Variants in AGPAT5 observed in about 807,000 individuals in gnomAD.
The protein encoded by AGPAT5 is 1-acyl-sn-glycerol-3-phosphate acyltransferase epsilon.
Under a neutral mutation model 45.6 loss-of-function variants are expected in AGPAT5, and 46 were observed. The ratio of observed to expected loss-of-function variants is 1.01; its 90% confidence interval spans 0.80 to 1.29. The LOEUF (loss-of-function observed/expected upper bound fraction) is 1.29, where lower values mean the gene tolerates loss of function less well. Ranked by LOEUF, AGPAT5 falls within the 50% of genes most tolerant of loss-of-function variation. AGPAT5 has a pLI of 0.00. For missense variants in AGPAT5, 673 were observed against 450.7 expected, an observed-to-expected ratio of 1.49 and a Z score of -4.47; for synonymous variants, 272 against 167.0, an observed-to-expected ratio of 1.63 and a Z score of -4.85.
At chr8:6,719,394 G>A (rs903384602) in intron 1 of AGPAT5, among the ~76,000 whole-genome samples, 1 of 152,146 alleles carries the variant, frequency 6.6e-6, no homozygotes, top group Non-Finnish European at 1.5e-5. Flanking sequence ...GAAGTAGTAG[G>A]CAGGAATTCA....
Position 6,757,244 on chromosome 8 carries a change from T to G in AGPAT5, c.951T>G (p.Ser317Arg). 1 of 1,614,182 alleles carries G rather than the reference T, an allele frequency of 6.2e-7. No individual in the cohort carries two copies. Among genetic ancestry groups the G allele is most frequent in the Non-Finnish European group, 8.5e-7 (1 of 1,180,018 alleles). Reference sequence around the variant, plus strand: ...GGAAAAGTGTTAATTCCAAATTAAGTATCAAGAAGACTTTACCATCAATGT... The same window carrying G: ...GGAAAAGTGTTAATTCCAAATTAAGGATCAAGAAGACTTTACCATCAATGT... ...FPGKSVNSKLSIKKTLPSMLI... is the reference protein window; with the variant it reads ...FPGKSVNSKLRIKKTLPSMLI... Residue 317 changes from serine (S) to arginine (R), a missense_variant, in exon 8 of 8, where the codon AGT becomes AGG. Transcript: ENST00000285518.
chr8:6,732,466 T>G (rs1407208946), intron 3 of AGPAT5, 95 bp from the exon 4 acceptor site: 2 of 814,214 alleles, frequency 2.5e-6, no homozygotes, highest in Non-Finnish European at 3.7e-6. Flanking sequence ...TAGTTTTCAT[T>G]CTGTACTTTT....
intron 4 of AGPAT5, 143 bp from the exon 5 acceptor site, chr8:6,741,518 C>T (rs1031428790): frequency 2.1e-5 from 11 of 520,208 alleles, no homozygotes; most frequent in South Asian, 1.8e-4. Context: ...CCTCTTGAAA[C>T]GAAGGTCACA....
At chr8:6,709,224 C>G (rs960789869) in intron 1 of AGPAT5, 2 of 375,362 alleles carry the variant, frequency 5.3e-6, no homozygotes, top group Non-Finnish European at 1.0e-5. Flanking sequence ...GGCCTTTGGT[C>G]CAAAGAGGTG....
chr8:6,736,407 G>C (rs1045897809), intron 4 of AGPAT5, among the ~76,000 whole-genome samples: 5 of 152,136 alleles, frequency 3.3e-5, no homozygotes, highest in Admixed American at 3.3e-4. Flanking sequence ...TGTCAAATCT[G>C]TTATTTTGGT....
intron 2 of AGPAT5, among the ~76,000 whole-genome samples, chr8:6,725,559 C>T (rs1800657101): frequency 6.6e-6 from 1 of 152,130 alleles, no homozygotes; most frequent in African/African-American, 2.4e-5. Flanking sequence ...ACATTGTCAG[C>T]AATATTTTTC....
chr8:6,749,470 A>G (rs1015214887), intron 6 of AGPAT5, among the ~76,000 whole-genome samples: 5 of 152,248 alleles, frequency 3.3e-5, no homozygotes, highest in African/African-American at 1.2e-4. Flanking sequence ...TTTAAAAATT[A>G]AAACTGTACG....
intron 6 of AGPAT5, among the ~76,000 whole-genome samples, chr8:6,750,332 C>T (rs1196437850): frequency 1.3e-5 from 2 of 152,228 alleles, no homozygotes; most frequent in Non-Finnish European, 2.9e-5. Context: ...CCTGCTTATC[C>T]TCTGCTACAT....
intron 1 of AGPAT5, among the ~76,000 whole-genome samples, chr8:6,716,841 AC>A (rs1800348031): frequency 1.3e-5 from 2 of 152,212 alleles, no homozygotes; most frequent in Admixed American, 6.5e-5. Context: ...CTCAAAACAA[AC>A]AAACAAACAA....
In AGPAT5 at chr8:6,708,762, T is replaced by TG; in HGVS notation, c.100dup (p.Val34GlyfsTer51). 5 of 1,608,600 alleles carry TG rather than the reference T, an allele frequency of 3.1e-6. No homozygotes were observed. Among genetic ancestry groups the TG allele is most frequent in the South Asian group, 1.1e-5 (1 of 90,870 alleles). On this transcript the variant is annotated frameshift_variant, in exon 1 of 8. Coordinates refer to ENST00000285518, the MANE Select transcript of AGPAT5 (RefSeq NM_018361.5). LOFTEE classifies it high-confidence loss of function. ...CACGGCGCCCACCTACGTGTTGGCCTGGGGGGTCTGGCGGCTGCTCTCCGC... is the reference window on the plus strand; with the variant it reads ...CACGGCGCCCACCTACGTGTTGGCCTGGGGGGGTCTGGCGGCTGCTCTCCGC...
chr8:6,729,898 T>C (rs1044931021), intron 2 of AGPAT5, among the ~76,000 whole-genome samples: 2 of 152,240 alleles, frequency 1.3e-5, no homozygotes, highest in Non-Finnish European at 2.9e-5. Context: ...GGAGCACATA[T>C]ATCTACCCAG....
At chr8:6,725,539 C>G (rs997060060) in intron 2 of AGPAT5, among the ~76,000 whole-genome samples, 1 of 152,066 alleles carries the variant, frequency 6.6e-6, no homozygotes, top group African/African-American at 2.4e-5. Flanking sequence ...CAAGAATTTG[C>G]AAAAAGAGTA....
chr8:6,713,606 G>T (rs977068786), intron 1 of AGPAT5, among the ~76,000 whole-genome samples: 2 of 152,136 alleles, frequency 1.3e-5, no homozygotes, highest in African/African-American at 2.4e-5. Flanking sequence ...CAAACCAGAG[G>T]TGCAGTGGTG....
chr8:6,744,138 C>T (rs200812905), intron 5 of AGPAT5, among the ~76,000 whole-genome samples: 1 of 151,908 alleles, frequency 6.6e-6, no homozygotes, highest in East Asian at 1.9e-4. Flanking sequence ...TACAAAAGTG[C>T]TTCATAATTA....
At chr8:6,711,717 C>T (rs907986377) in intron 1 of AGPAT5, among the ~76,000 whole-genome samples, 2 of 152,134 alleles carry the variant, frequency 1.3e-5, no homozygotes, top group African/African-American at 4.8e-5. Flanking sequence ...AATTTTACTC[C>T]CTCTGGAGGC....
chr8:6,735,427 C>T (rs1443880319), intron 4 of AGPAT5, among the ~76,000 whole-genome samples: 1 of 152,204 alleles, frequency 6.6e-6, no homozygotes, highest in Non-Finnish European at 1.5e-5. Flanking sequence ...AAATGTGCTG[C>T]ATTCTCCTTG....
chr8:6,734,932 G>C (rs779778197), intron 4 of AGPAT5, among the ~76,000 whole-genome samples: 2 of 152,076 alleles, frequency 1.3e-5, no homozygotes, highest in Admixed American at 1.3e-4. Flanking sequence ...CACACTCAGC[G>C]TTTTCACATA....
chr8:6,757,062 C>A (rs1801867894), intron 7 of AGPAT5, 101 bp from the exon 8 acceptor site: 2 of 799,344 alleles, frequency 2.5e-6, no homozygotes, highest in Non-Finnish European at 2.0e-6. Context: ...TTTCCAGGGA[C>A]CTGCATAACT....
At chr8:6,727,043 T>C (rs910853397) in intron 2 of AGPAT5, among the ~76,000 whole-genome samples, 2 of 152,230 alleles carry the variant, frequency 1.3e-5, no homozygotes, top group African/African-American at 2.4e-5. Flanking sequence ...TGTCTGATTG[T>C]GTTTAGGTAC....
Sources: gnomAD v4.1 joint callset for allele counts (sites outside exome capture counted in the v4.1 genomes callset) on GRCh38, gnomAD v4.1.1 for gene constraint, MANE v1.5 for transcripts, NCBI Gene and HGNC (gene_info 2026-07-23, HGNC 2026-07-21) for gene names.